Variants in ANKRD55 observed in about 807,000 individuals in gnomAD.
ANKRD55 encodes ankyrin repeat domain-containing protein 55.
A neutral mutation model predicts 60.6 loss-of-function variants in ANKRD55; 41 were observed. That is an observed-to-expected ratio of 0.68 (90% confidence interval 0.53 to 0.88). ANKRD55 has a LOEUF of 0.88. Among genes scored for constraint, ANKRD55 ranks in the 40% least tolerant of loss-of-function variants. ANKRD55 has a pLI of 0.00. For synonymous variants in ANKRD55, 264 were observed against 290.3 expected, an observed-to-expected ratio of 0.91 and a Z score of 0.92; for missense variants, 732 against 767.6, an observed-to-expected ratio of 0.95 and a Z score of 0.55.
At chr5:56,116,931 G>C in intron 8 of ANKRD55, 149 bp from the exon 9 acceptor site, 1 of 789,500 alleles carries the variant, frequency 1.3e-6, no homozygotes, top group Non-Finnish European at 1.9e-6. Context: ...TGTTAAATGA[G>C]CCCGAAGGAT....
chr5:56,218,346 G>A (rs1759873346), intron 2 of ANKRD55, among the ~76,000 whole-genome samples: 1 of 152,100 alleles, frequency 6.6e-6, no homozygotes, highest in Admixed American at 6.5e-5. Flanking sequence ...CATCTTTTAT[G>A]AAAGAAGGAG....
chr5:56,141,130 GTTTTT>G (rs33972955), intron 7 of ANKRD55, among the ~76,000 whole-genome samples: 8 of 111,774 alleles, frequency 7.2e-5, no homozygotes, highest in African/African-American at 2.8e-4. Context: ...TGCACACACA[GTTTTT>G]TTTTTTTTTT....
At chr5:56,148,423 T>G in intron 6 of ANKRD55, among the ~76,000 whole-genome samples, 1 of 152,182 alleles carries the variant, frequency 6.6e-6, no homozygotes, top group East Asian at 1.9e-4. Context: ...GAACACATAT[T>G]CAGTTAAAAA....
At chr5:56,124,162 A>G (rs1380364693) in intron 8 of ANKRD55, among the ~76,000 whole-genome samples, 1 of 152,226 alleles carries the variant, frequency 6.6e-6, no homozygotes, top group East Asian at 1.9e-4. Context: ...AGTAAACTGC[A>G]TATTAAAGCG....
chr5:56,227,362 T>C (rs1227865302), intron 2 of ANKRD55, among the ~76,000 whole-genome samples: 1 of 139,782 alleles, frequency 7.2e-6, no homozygotes, highest in East Asian at 2.6e-4. Flanking sequence ...GGGGGAGGGA[T>C]AGCATTAGGA....
intron 2 of ANKRD55, among the ~76,000 whole-genome samples, chr5:56,218,937 G>A (rs908326975): frequency 6.6e-6 from 1 of 152,092 alleles, no homozygotes; most frequent in African/African-American, 2.4e-5. Context: ...TTTTTTATAT[G>A]ATTCTTATTT....
In ANKRD55 at chr5:56,134,711, C is replaced by G. The variant is rs151254251; in HGVS notation, c.613-7605G>C. 7.7e-3 allele frequency among the ~76,000 whole-genome samples: 1,170 copies of G among 152,138 alleles called. 14 individuals are homozygous for G. The highest frequency in any genetic ancestry group is 0.026 in the African/African-American group (1,070 of 41,520). On this transcript the variant is annotated intron_variant, in intron 7 of 11. Transcript: ENST00000341048. ...AAAAATATAACGGTTTTTTAAGAATCTCTTTCAGAAGATAGAAGCCTAGGG... is the reference window on the plus strand; with the variant it reads ...AAAAATATAACGGTTTTTTAAGAATGTCTTTCAGAAGATAGAAGCCTAGGG...
At chr5:56,146,011 T>C (rs1048900821) in intron 6 of ANKRD55, among the ~76,000 whole-genome samples, 2 of 152,210 alleles carry the variant, frequency 1.3e-5, no homozygotes, top group African/African-American at 4.8e-5. Flanking sequence ...AAGGGAATTA[T>C]ATTTTAAAAT....
intron 2 of ANKRD55, among the ~76,000 whole-genome samples, chr5:56,231,631 A>T (rs1173948212): frequency 6.6e-6 from 1 of 151,132 alleles, no homozygotes; most frequent in Non-Finnish European, 1.5e-5. Context: ...ACACGGTATG[A>T]GCCGGCACGT....
intron 4 of ANKRD55, among the ~76,000 whole-genome samples, chr5:56,173,568 C>CTA (rs1290816439): frequency 8.0e-5 from 9 of 112,878 alleles, no homozygotes; most frequent in African/African-American, 1.2e-4. Context: ...CTCTCTCTCT[C>CTA]TCTCTCTCTC....
chr5:56,190,880 C>T (rs1759079049), intron 2 of ANKRD55, among the ~76,000 whole-genome samples: 1 of 152,220 alleles, frequency 6.6e-6, no homozygotes, highest in Non-Finnish European at 1.5e-5. Context: ...CTCCAATCAC[C>T]TCTAAAAAGC....
intron 2 of ANKRD55, among the ~76,000 whole-genome samples, chr5:56,195,827 A>G (rs1759216358): frequency 6.6e-6 from 1 of 152,188 alleles, no homozygotes; most frequent in Non-Finnish European, 1.5e-5. Context: ...TGTTCATTTC[A>G]TTGGCTAACC....
At chr5:56,161,929 A>T (rs1758342512) in intron 5 of ANKRD55, 1 of 963,448 alleles carries the variant, frequency 1.0e-6, no homozygotes, top group Non-Finnish European at 1.2e-6. Flanking sequence ...CAATTATTTC[A>T]CCACTGGATA....
At position 56,139,619 on chromosome 5, in the gene ANKRD55, G is replaced by A. The variant is rs540242885; in HGVS notation, c.612+4182C>T. On this transcript the variant is annotated intron_variant, in intron 7 of 11. Coordinates refer to ENST00000341048, the MANE Select transcript of ANKRD55 (RefSeq NM_024669.3). ...AGGAATCTTTATGATGTATTGTGAG[G>A]ATTACTAATATTCCAGTGTGATTAG... 2.0e-5 allele frequency among the ~76,000 whole-genome samples: 3 copies of A among 152,306 alleles called. No homozygotes were observed. The South Asian group carries it at 6.2e-4, about 32-fold the overall frequency.
At chr5:56,143,673 T>C in intron 7 of ANKRD55, 128 bp downstream of exon 7, 2 of 1,371,940 alleles carry the variant, frequency 1.5e-6, no homozygotes, top group Non-Finnish European at 1.0e-6. Flanking sequence ...CAGGGTTTCT[T>C]TTCAACAAGT....
rs1405295801 is a variant in ANKRD55 at position 56,170,675 on chromosome 5, T to G, written c.422+19A>C. ...TGAGTCACTCCCAACTTGAGCATCA[T>G]GTAAACCTGGCCACTTACCTCATAT... On this transcript the variant is annotated intron_variant, in intron 5 of 11. Coordinates refer to ENST00000341048, the MANE Select transcript of ANKRD55 (RefSeq NM_024669.3). 10 of 1,607,960 alleles carry G rather than the reference T, an allele frequency of 6.2e-6. No individual in the cohort carries two copies. In the South Asian group the frequency reaches 1.1e-4, roughly 18 times the overall value.
At chr5:56,100,403 T>C in intron 11 of ANKRD55, 99 bp from the exon 12 acceptor site, 1 of 1,452,346 alleles carries the variant, frequency 6.9e-7, no homozygotes, top group Non-Finnish European at 9.6e-7. Context: ...GAGGCATTTC[T>C]AAGAAGTGTG....
At position 56,100,066 on chromosome 5, in the gene ANKRD55, T is replaced by C. The variant is rs1756223243; in HGVS notation, c.*117A>G. On this transcript the variant is annotated 3_prime_UTR_variant, in exon 12 of 12. Transcript: ENST00000341048. ...AAAGAATTTCGAGTTATAAAACTGA[T>C]GGCTTATAGAATGCAGCTTACTAAA... The C allele has an allele frequency of 7.5e-7, 1 of 1,341,430 alleles. No homozygotes were observed. Among genetic ancestry groups the C allele is most frequent in the Admixed American group, 1.9e-5 (1 of 53,012 alleles). 83.1% of individuals were successfully genotyped at this position (1,341,430 alleles called of 1,614,324 possible).
chr5:56,223,352 A>G (rs1302476478), intron 2 of ANKRD55, among the ~76,000 whole-genome samples: 1 of 152,202 alleles, frequency 6.6e-6, no homozygotes, highest in East Asian at 1.9e-4. Context: ...TCCTGAAGGA[A>G]GCACTAAACA....
Sources: allele counts gnomAD v4.1 joint callset (sites outside exome capture counted in the v4.1 genomes callset), GRCh38; gene constraint gnomAD v4.1.1; transcripts MANE v1.5; gene names NCBI Gene and HGNC (gene_info 2026-07-23, HGNC 2026-07-21).